Variants in ERCC3 observed in about 807,000 individuals in gnomAD.
ERCC3 encodes the protein ERCC excision repair 3, TFIIH core complex helicase subunit.
Under a neutral mutation model 94.2 loss-of-function variants are expected in ERCC3, and 66 were observed. The observed-to-expected ratio is 0.70, with a 90% CI of 0.57 to 0.86. ERCC3 has a LOEUF of 0.86. Ranked by LOEUF, ERCC3 falls within the 40% of genes least tolerant of loss-of-function variation. ERCC3 has a pLI of 0.00. For missense variants in ERCC3, 829 were observed against 987.1 expected (o/e 0.84, Z 2.15); for synonymous variants, 349 against 369.1 (o/e 0.95, Z 0.63).
At chr2:127,263,590 T>C (rs1453033115) in intron 12 of ERCC3, among the ~76,000 whole-genome samples, 8 of 152,192 alleles carry the variant, frequency 5.3e-5, no homozygotes, top group Non-Finnish European at 1.0e-4. Context: ...TTAACTTCCT[T>C]TTTTCCTATC....
At chr2:127,261,887 A>G in intron 12 of ERCC3, 1 of 174,470 alleles carries the variant, frequency 5.7e-6, no homozygotes, top group East Asian at 1.6e-4. Flanking sequence ...TTGAGAATGT[A>G]AATGATGCGG....
rs1685361199 is a variant in ERCC3 at position 127,293,705 on chromosome 2, G to A, written c.42C>T (p.Ser14=). Residue 14 remains serine, a synonymous_variant, in exon 2 of 15, where the codon TCC becomes TCT. Transcript: ENST00000285398. The stretch of plus-strand genomic sequence containing the variant: ...CTTCATCCTCATAGTGCCGCTTCCT[G>A]GATTTCTTCTTGTCTGCAAGATACC... ...RDRADRDKKK[S]RKRHYEDEED... is the part of the protein sequence containing the mutation. The A allele has an allele frequency of 6.2e-7, 1 of 1,612,640 alleles. No homozygotes were observed. Among genetic ancestry groups the A allele is most frequent in the Non-Finnish European group, 8.5e-7 (1 of 1,180,022 alleles).
At chr2:127,285,380 C>T (rs1039740010) in intron 8 of ERCC3, among the ~76,000 whole-genome samples, 4 of 151,958 alleles carry the variant, frequency 2.6e-5, no homozygotes, top group African/African-American at 4.8e-5. Flanking sequence ...GCTAACATGG[C>T]GAAACCCTTT....
chr2:127,269,546 C>T (rs1217173866), intron 12 of ERCC3, among the ~76,000 whole-genome samples: 1 of 150,734 alleles, frequency 6.6e-6, no homozygotes, highest in East Asian at 2.0e-4. Flanking sequence ...CTCAGCCTCC[C>T]GAGTAGCTGG....
chr2:127,260,159 C>T (rs1437914024), intron 13 of ERCC3: 2 of 154,322 alleles, frequency 1.3e-5, no homozygotes, highest in Non-Finnish European at 2.9e-5. Context: ...ACGATGTGCA[C>T]ATCTGCCCAG....
intron 10 of ERCC3, among the ~76,000 whole-genome samples, chr2:127,278,238 C>T (rs965043367): frequency 3.2e-4 from 43 of 135,454 alleles, no homozygotes; most frequent in Non-Finnish European, 4.0e-4. Flanking sequence ...ACCCTAACTC[C>T]AAAAAAAAAA....
In ERCC3 at chr2:127,290,285, G is replaced by A. The variant is rs774524889; in HGVS notation, c.472-12C>T. The stretch of plus-strand genomic sequence containing the variant: ...CTGACAGTACACAACTGCAAATACA[G>A]ATAACATCCAACAGGTAAATGTGCA... On this transcript the variant is annotated splice_polypyrimidine_tract_variant and intron_variant, in intron 3 of 14. Transcript: ENST00000285398. 7 of 1,609,754 alleles carry A rather than the reference G, an allele frequency of 4.3e-6. No individual in the cohort carries two copies. In the East Asian group the frequency reaches 1.6e-4, roughly 36 times the overall value.
chr2:127,292,026 C>G (rs190263831), intron 3 of ERCC3: 5 of 180,442 alleles, frequency 2.8e-5, no homozygotes, highest in African/African-American at 1.2e-4. Flanking sequence ...AGGTATCAGC[C>G]GATTCAGTTT....
rs373429455 is a variant in ERCC3, at chr2:127,261,425, C to G, written c.1946-79G>C. On this transcript the variant is annotated intron_variant, in intron 12 of 14. Transcript: ENST00000285398. ...TGCCAAGAGCTAAGGGTCCCAGGCT[C>G]AAAAGCAAGCACTGGAGTGGAAAAG... 2.2e-5 allele frequency: 20 copies of G among 912,810 alleles called. No homozygotes were observed. In the African/African-American group the frequency reaches 2.8e-4, roughly 13 times the overall value. 56.5% of individuals were successfully genotyped at this position (912,810 alleles called of 1,614,324 possible).
At chr2:127,270,317 G>T (rs1226587171) in intron 12 of ERCC3, among the ~76,000 whole-genome samples, 4 of 152,134 alleles carry the variant, frequency 2.6e-5, no homozygotes, top group Non-Finnish European at 5.9e-5. Context: ...AAGCCACTGT[G>T]CCCAGCCAGC....
chr2:127,269,541 C>T (rs932230777), intron 12 of ERCC3, among the ~76,000 whole-genome samples: 3 of 150,934 alleles, frequency 2.0e-5, no homozygotes, highest in African/African-American at 7.3e-5. Flanking sequence ...CCTGCCTCAG[C>T]CTCCCGAGTA....
chr2:127,290,527 A>C (rs1685234416), intron 3 of ERCC3: 1 of 551,594 alleles, frequency 1.8e-6, no homozygotes, highest in African/African-American at 1.9e-5. Context: ...CGCTGCTTAA[A>C]ATCTTGCATT....
At chr2:127,265,036 G>A (rs545005898) in intron 12 of ERCC3, among the ~76,000 whole-genome samples, 97 of 152,098 alleles carry the variant, frequency 6.4e-4, no homozygotes, top group Non-Finnish European at 1.2e-3. Flanking sequence ...TAGTAGAGAC[G>A]AGGTTTCACC....
At chr2:127,275,365 A>G (rs1290500508) in intron 10 of ERCC3, among the ~76,000 whole-genome samples, 2 of 152,154 alleles carry the variant, frequency 1.3e-5, no homozygotes, top group Non-Finnish European at 2.9e-5. Context: ...AACCAAGAAG[A>G]AAAAACACTA....
chr2:127,271,430 C>T lies in ERCC3; in HGVS notation c.1851G>A (p.Leu617=), dbSNP rs1423920109. 1 of 1,613,644 alleles carries T rather than the reference C, an allele frequency of 6.2e-7. No individual in the cohort carries two copies. Among genetic ancestry groups the T allele is most frequent in the African/African-American group, 1.3e-5 (1 of 74,864 alleles). The change falls in exon 12 of 15, where the codon CTG becomes CTA. Residue 617 remains leucine (L), a synonymous_variant. Coordinates refer to ENST00000285398, the MANE Select transcript of ERCC3 (RefSeq NM_000122.2). The surrounding 1 kb of genome is among the most constrained non-coding windows in gnomAD (Gnocchi z 5.0). ...TCTGAATGAGGACATTTGCTTCCGG[C>T]AGATCAAACGAAGTGTCACCTACCT... ...ISKVGDTSFD[L]PEANVLIQIS... is the part of the protein sequence containing the mutation.
rs1685349685 is a variant in ERCC3, at chr2:127,293,505, A to T, written c.234+8T>A. On this transcript the variant is annotated splice_region_variant and intron_variant, in intron 2 of 14. Transcript: ENST00000285398. ...CCTGGGCCCTGCCCAAGCTAAGGGC[A>T]TGCTTACCACCCAGAGGGGCCTGGA... The T allele has an allele frequency of 6.2e-7, 1 of 1,613,646 alleles. No homozygotes were observed. The highest frequency in any genetic ancestry group is 1.3e-5 in the African/African-American group (1 of 74,944).
intron 10 of ERCC3, among the ~76,000 whole-genome samples, chr2:127,273,785 C>T (rs1684646129): frequency 6.7e-6 from 1 of 148,938 alleles, no homozygotes; most frequent in South Asian, 2.1e-4. Context: ...AATTTTCCAG[C>T]TCCCTGCCAA....
chr2:127,268,300 C>G (rs1684446276), intron 12 of ERCC3, among the ~76,000 whole-genome samples: 1 of 151,488 alleles, frequency 6.6e-6, no homozygotes. Context: ...GTTCTGTTGC[C>G]CAAGGTGGAA....
intron 10 of ERCC3, among the ~76,000 whole-genome samples, chr2:127,273,834 C>T (rs1684648068): frequency 6.6e-6 from 1 of 151,542 alleles, no homozygotes; most frequent in South Asian, 2.1e-4. Context: ...GGTTATCATC[C>T]CATAGCATTG....
Sources: allele counts gnomAD v4.1 joint callset (sites outside exome capture counted in the v4.1 genomes callset), GRCh38; gene constraint gnomAD v4.1.1; non-coding constraint Gnocchi (gnomAD v3.1); transcripts MANE v1.5; gene names NCBI Gene and HGNC (gene_info 2026-07-23, HGNC 2026-07-21).